The following ZFHX3 variants were observed in gnomAD, a reference collection of about 807,000 sequenced individuals.
ZFHX3 encodes the protein zinc finger homeobox 3.
Under a neutral mutation model 279.1 loss-of-function variants are expected in ZFHX3, and 42 were observed. The observed-to-expected ratio is 0.15, with a 90% CI of 0.12 to 0.19. The LOEUF (loss-of-function observed/expected upper bound fraction) is 0.19, where lower values mean the gene tolerates loss of function less well. Ranked by LOEUF, ZFHX3 falls within the 10% of genes least tolerant of loss-of-function variation. ZFHX3 has a pLI of 1.00. For missense variants in ZFHX3, 4,981 were observed against 4,754.0 expected, an observed-to-expected ratio of 1.05 and a Z score of -1.40; for synonymous variants, 2,293 against 1,957.8, an observed-to-expected ratio of 1.17 and a Z score of -4.52.
At chr16:72,811,244 G>C (rs1206425180) in intron 7 of ZFHX3, among the ~76,000 whole-genome samples, 1 of 152,140 alleles carries the variant, frequency 6.6e-6, no homozygotes, top group Non-Finnish European at 1.5e-5. Flanking sequence ...ATGAAGGTAA[G>C]AGCAATCTAG....
intron 3 of ZFHX3, among the ~76,000 whole-genome samples, chr16:72,922,726 T>C (rs1434823823): frequency 6.6e-6 from 1 of 152,216 alleles, no homozygotes; most frequent in Non-Finnish European, 1.5e-5. Context: ...ATAAAACATT[T>C]GTTTCAGATT....
At chr16:73,448,225 A>G (rs763275152) in intron 3 of ZFHX3, among the ~76,000 whole-genome samples, 6 of 152,200 alleles carry the variant, frequency 3.9e-5, no homozygotes, top group Non-Finnish European at 5.9e-5. Flanking sequence ...AATAACTTTA[A>G]AAAGGGAATG....
In ZFHX3 at chr16:73,166,302, G is replaced by C. The variant is rs1473883635; in HGVS notation, c.-1103-22471C>G. On this transcript the variant is annotated intron_variant, in intron 5 of 17. Transcript: ENST00000641206. The stretch of plus-strand genomic sequence containing the variant: ...ATACACCAGTGTTATGAACTGCCTG[G>C]TCTGTGGCCCTCTAAAAGGAAGAGA... 2.6e-5 allele frequency among the ~76,000 whole-genome samples: 4 copies of C among 152,294 alleles called. No homozygotes were observed. The East Asian group carries it at 7.7e-4, about 29-fold the overall frequency.
chr16:73,471,784 C>G (rs759891848), intron 2 of ZFHX3, among the ~76,000 whole-genome samples: 1 of 152,212 alleles, frequency 6.6e-6, no homozygotes, highest in African/African-American at 2.4e-5. Flanking sequence ...ACTCAAGTAT[C>G]TCTTTTCCTC....
chr16:73,175,557 A>G (rs1365191977), intron 5 of ZFHX3, among the ~76,000 whole-genome samples: 1 of 152,232 alleles, frequency 6.6e-6, no homozygotes, highest in African/African-American at 2.4e-5. Context: ...GAGTAAGTGC[A>G]TTAACACACA....
At chr16:73,481,881 G>A (rs1292238889) in intron 2 of ZFHX3, among the ~76,000 whole-genome samples, 5 of 152,012 alleles carry the variant, frequency 3.3e-5, no homozygotes, top group African/African-American at 1.2e-4. Context: ...AGAAATGCAC[G>A]GTCATGGGTT....
rs753461356 is a variant in ZFHX3, at chr16:72,788,830, G to A, written c.9446C>T (p.Pro3149Leu). The A allele has an allele frequency of 7.2e-6, 11 of 1,520,874 alleles. No homozygotes were observed. The highest frequency in any genetic ancestry group is 2.8e-5 in the African/African-American group (2 of 71,640). 94.2% of individuals were successfully genotyped at this position (1,520,874 alleles called of 1,614,324 possible). A position where few individuals can be genotyped will look rare whatever the true frequency, so the allele number is the denominator to read the frequency against. ...TGTGCTGGGCAGACCCATCAAGTTCGGCTTAGGAGACGTTAAAGCTGAAAG... is the reference window on the plus strand; with the variant it reads ...TGTGCTGGGCAGACCCATCAAGTTCAGCTTAGGAGACGTTAAAGCTGAAAG... ...PSNTALTSPK[P>L]NLMGLPSTTV... The change falls in exon 10 of 10, where the codon CCG becomes CTG. Residue 3149 changes from proline (P) to leucine (L), a missense_variant. Pro to Leu is a moderately conservative substitution (Grantham distance 98). Around this residue, in one of 7 missense-constraint regions of ZFHX3, gnomAD observed 1,034 missense variants for 786.0 expected, o/e 1.32. Transcript: ENST00000268489.
At chr16:72,986,292 T>A (rs1037655742) in intron 1 of ZFHX3, among the ~76,000 whole-genome samples, 99 of 152,280 alleles carry the variant, frequency 6.5e-4, no homozygotes, top group Non-Finnish European at 1.0e-4. Context: ...GGACCCGCCA[T>A]GTGATAATTA....
At position 72,865,135 on chromosome 16, in the gene ZFHX3, G is replaced by A. The variant is rs147915934; in HGVS notation, c.3448+24596C>T. 7.2e-4 allele frequency among the ~76,000 whole-genome samples: 109 copies of A among 152,304 alleles called. 1 individual carries two copies. In the East Asian group the frequency reaches 0.018, roughly 25 times the overall value. On this transcript the variant is annotated intron_variant, in intron 4 of 9. Coordinates refer to ENST00000268489, the MANE Select transcript of ZFHX3 (RefSeq NM_006885.4). ...AGATGAAACATTAACTTAGGAACCT[G>A]AGAGAGAGGCTTTCACTTTCTTAAG... is the stretch of plus-strand genomic sequence containing the variant.
intron 3 of ZFHX3, among the ~76,000 whole-genome samples, chr16:73,437,754 A>T (rs1021542084): frequency 6.6e-6 from 1 of 152,184 alleles, no homozygotes; most frequent in African/African-American, 2.4e-5. Flanking sequence ...GGAGGCTAAA[A>T]CTGTTTCCAA....
intron 1 of ZFHX3, among the ~76,000 whole-genome samples, chr16:73,693,958 A>G (rs911641801): frequency 6.6e-6 from 1 of 151,920 alleles, no homozygotes. Flanking sequence ...TTATGGTCCA[A>G]TTCTGGACAA....
intron 3 of ZFHX3, among the ~76,000 whole-genome samples, chr16:73,433,840 C>T (rs2017950959): frequency 6.6e-6 from 1 of 152,144 alleles, no homozygotes; most frequent in South Asian, 2.1e-4. Flanking sequence ...TTCCCGGCCG[C>T]CTGGGTGACT....
intron 3 of ZFHX3, among the ~76,000 whole-genome samples, chr16:72,902,360 G>T (rs1306073636): frequency 6.6e-6 from 1 of 152,174 alleles, no homozygotes. Context: ...CAATAGCCCG[G>T]ACCAGCTTAA....
intron 2 of ZFHX3, among the ~76,000 whole-genome samples, chr16:73,602,373 C>T (rs569511239): frequency 9.9e-5 from 15 of 152,110 alleles, no homozygotes; most frequent in Admixed American, 2.0e-4. Flanking sequence ...TTCCATTTTA[C>T]CATGGAATGT....
chr16:73,754,587 C>A (rs1008657216), intron 1 of ZFHX3, among the ~76,000 whole-genome samples: 1 of 152,166 alleles, frequency 6.6e-6, no homozygotes, highest in Admixed American at 6.5e-5. Flanking sequence ...ACAGAGGTAT[C>A]CTAGTAAACA....
rs2019044605 is a variant in ZFHX3, at chr16:73,490,707, A to G, written c.-1546-34449T>C. 2.0e-5 allele frequency among the ~76,000 whole-genome samples: 3 copies of G among 152,270 alleles called. 1 individual carries two copies. The South Asian group carries it at 6.2e-4, about 32-fold the overall frequency. On this transcript the variant is annotated intron_variant, in intron 2 of 17. Transcript: ENST00000641206. ...ACAAAAATTAGCCAAGCGTGGTGGC[A>G]CGTGCTATAGTCCCAGCTACTCAGG... is the stretch of plus-strand genomic sequence containing the variant.
At chr16:73,249,754 C>G (rs1471014120) in intron 5 of ZFHX3, among the ~76,000 whole-genome samples, 1 of 150,204 alleles carries the variant, frequency 6.7e-6, no homozygotes, top group African/African-American at 2.5e-5. Flanking sequence ...GCAAATAGTA[C>G]TGACATATAA....
chr16:73,524,797 T>A (rs965309023), intron 2 of ZFHX3, among the ~76,000 whole-genome samples: 1 of 152,228 alleles, frequency 6.6e-6, no homozygotes, highest in Admixed American at 6.5e-5. Context: ...TTCAGAGTCA[T>A]CTGTGTGGTC....
intron 3 of ZFHX3, among the ~76,000 whole-genome samples, chr16:73,386,216 T>C (rs951883162): frequency 2.2e-5 from 3 of 137,480 alleles, no homozygotes; most frequent in African/African-American, 7.7e-5. Flanking sequence ...CTCTCTCTCT[T>C]TCTCTCTCTG....
Sources: gnomAD v4.1 joint callset for allele counts (sites outside exome capture counted in the v4.1 genomes callset) on GRCh38, gnomAD v4.1.1 for gene constraint, gnomAD v4.1.1 regional missense constraint, MANE v1.5 for transcripts, NCBI Gene and HGNC (gene_info 2026-07-23, HGNC 2026-07-21) for gene names.